STAT1: variants seen among roughly 807,000 people sequenced by gnomAD.
The protein encoded by STAT1 is signal transducer and activator of transcription 1.
STAT1 carries 24 observed loss-of-function variants against 111.7 expected under a neutral mutation model. The observed-to-expected ratio is 0.21, with a 90% CI of 0.16 to 0.30. The LOEUF is 0.30. Among genes scored for constraint, STAT1 ranks in the 10% least tolerant of loss-of-function variants. STAT1 has a pLI of 1.00. For missense variants in STAT1, 351 were observed against 911.9 expected, an observed-to-expected ratio of 0.38 and a Z score of 7.92; for synonymous variants, 332 against 326.5, an observed-to-expected ratio of 1.02 and a Z score of -0.18.
chr2:190,993,997 A>G lies in STAT1; in HGVS notation c.944+1064T>C, dbSNP rs977599927. Among the ~76,000 whole-genome samples, 3 of 152,320 alleles carry G rather than the reference A, an allele frequency of 2.0e-5. No individual in the cohort carries two copies. The highest frequency in any genetic ancestry group is 4.8e-5 in the African/African-American group (2 of 41,560). ...AAATACATAACAACTATATAACAAA[A>G]GGCAGAGTAGGAAAGGAACGAAGGG... On this transcript the variant is annotated intron_variant, in intron 10 of 24. Coordinates refer to ENST00000361099, the MANE Select transcript of STAT1 (RefSeq NM_007315.4). The surrounding 1 kb of genome is among the most constrained non-coding windows in gnomAD (Gnocchi z 4.1).
chr2:191,008,947 A>G lies in STAT1; in HGVS notation c.273+16T>C, dbSNP rs775900972. ...CATGAGAACATTTCAACTAAAATACAAAAACCAGGTCATACCTGAAGATTA... is the reference window on the plus strand; with the variant it reads ...CATGAGAACATTTCAACTAAAATACGAAAACCAGGTCATACCTGAAGATTA... On this transcript the variant is annotated intron_variant, in intron 4 of 24. Transcript: ENST00000361099. 4 of 1,613,004 alleles carry G rather than the reference A, an allele frequency of 2.5e-6. No homozygotes were observed. The highest frequency in any genetic ancestry group is 3.4e-6 in the Non-Finnish European group (4 of 1,179,434).
In STAT1 at chr2:190,999,015, G is replaced by C. The variant is rs114739059; in HGVS notation, c.541+611C>G. ...TGGTATACCCCAGATGATGAATAGA[G>C]TAACAGCAGTACCCTACGTGTCCTA... On this transcript the variant is annotated intron_variant, in intron 7 of 24. Coordinates refer to ENST00000361099, the MANE Select transcript of STAT1 (RefSeq NM_007315.4). The surrounding 1 kb of genome is among the most constrained non-coding windows in gnomAD (Gnocchi z 4.1). 1.3e-5 allele frequency among the ~76,000 whole-genome samples: 2 copies of C among 152,236 alleles called. No individual in the cohort carries two copies. Among genetic ancestry groups the C allele is most frequent in the African/African-American group, 4.8e-5 (2 of 41,548 alleles).
intron 24 of STAT1, among the ~76,000 whole-genome samples, chr2:190,972,733 C>CT (rs576414210): frequency 0.027 from 3,364 of 126,344 alleles, 73 homozygotes; most frequent in South Asian, 0.1. Context: ...CTTTTCTTTT[C>CT]TTTTTTTTTT....
chr2:190,999,839 G>T lies in STAT1; in HGVS notation c.463-135C>A, dbSNP rs534303530. On this transcript the variant is annotated intron_variant, in intron 6 of 24. Coordinates refer to ENST00000361099, the MANE Select transcript of STAT1 (RefSeq NM_007315.4). This position sits in a 1 kb window ranked among gnomAD's most constrained non-coding sequence, Gnocchi z 4.1. ...CTCCCCCAAAAAGAGATCTGACTTG[G>T]ACAGTTCTAATCATATACATGAAAT... The T allele has an allele frequency of 2.9e-6, 2 of 693,718 alleles. No homozygotes were observed. The highest frequency in any genetic ancestry group is 3.1e-5 in the South Asian group (2 of 63,660). 43.0% of individuals were successfully genotyped at this position (693,718 alleles called of 1,614,324 possible). A position where few individuals can be genotyped will look rare whatever the true frequency, so the allele number is the denominator to read the frequency against.
Position 190,993,406 on chromosome 2 carries a change from C to A in STAT1, c.944+1655G>T, listed in dbSNP as rs1693550281. 17 of 1,393,434 alleles carry A rather than the reference C, an allele frequency of 1.2e-5. No individual in the cohort carries two copies. In the South Asian group the frequency reaches 2.1e-4, roughly 17 times the overall value. The allele number at this position is 1,393,434 out of a possible 1,614,324, so 86.3% of individuals were successfully genotyped here. A position where few individuals can be genotyped will look rare whatever the true frequency, so the allele number is the denominator to read the frequency against. The stretch of plus-strand genomic sequence containing the variant: ...GAAGCTTGATTGTTTTCCCGTCTAA[C>A]TCTATAGTTCTTATTTTGAAATCCA... On this transcript the variant is annotated intron_variant, in intron 10 of 24. Coordinates refer to ENST00000361099, the MANE Select transcript of STAT1 (RefSeq NM_007315.4). This position sits in a 1 kb window ranked among gnomAD's most constrained non-coding sequence, Gnocchi z 4.1.
At chr2:191,005,781 T>G (rs1040640253) in intron 5 of STAT1, among the ~76,000 whole-genome samples, 37 of 152,222 alleles carry the variant, frequency 2.4e-4, no homozygotes, top group Non-Finnish European at 1.2e-4. Flanking sequence ...ACCTAGCCAA[T>G]AGTTGGCTGG....
rs1444359763 is a variant in STAT1 at position 190,971,302 on chromosome 2, A to C, written c.2239-585T>G. 6.6e-6 allele frequency among the ~76,000 whole-genome samples: 1 copy of C among 152,112 alleles called. No homozygotes were observed. Among genetic ancestry groups the C allele is most frequent in the Non-Finnish European group, 1.5e-5 (1 of 68,016 alleles). On this transcript the variant is annotated intron_variant, in intron 24 of 24. Coordinates refer to ENST00000361099, the MANE Select transcript of STAT1 (RefSeq NM_007315.4). The surrounding 1 kb of genome is among the most constrained non-coding windows in gnomAD (Gnocchi z 4.1). The stretch of plus-strand genomic sequence containing the variant: ...CAGTGACTTCCTGTCTGACTTCCAC[A>C]CTGGTCTTTCCCCTTAGACCAGATG...
rs1693825178 is a variant in STAT1, at chr2:190,995,999, C to G, written c.786-780G>C. Among the ~76,000 whole-genome samples, 1 of 151,880 alleles carries G rather than the reference C, an allele frequency of 6.6e-6. No individual in the cohort carries two copies. The highest frequency in any genetic ancestry group is 1.5e-5 in the Non-Finnish European group (1 of 68,004). On this transcript the variant is annotated intron_variant, in intron 9 of 24. Transcript: ENST00000361099. This position sits in a 1 kb window ranked among gnomAD's most constrained non-coding sequence, Gnocchi z 4.2. ...GGTTCTGTCAAGAGAGTGGCATCAG[C>G]AAGCAGTGTCTCGGCAGGACCAGTC...
Position 190,978,315 on chromosome 2 carries a change from T to A in STAT1, c.1873+541A>T, listed in dbSNP as rs1222196439. ...TAACACCAAGGTTTCTGGAGTCTTT[T>A]AGCCATGGACTCATTTGATTAAATA... On this transcript the variant is annotated intron_variant, in intron 21 of 24. Coordinates refer to ENST00000361099, the MANE Select transcript of STAT1 (RefSeq NM_007315.4). The surrounding 1 kb of genome is among the most constrained non-coding windows in gnomAD (Gnocchi z 6.1). Among the ~76,000 whole-genome samples, 1 of 152,216 alleles carries A rather than the reference T, an allele frequency of 6.6e-6. No individual in the cohort carries two copies. The highest frequency in any genetic ancestry group is 6.5e-5 in the Admixed American group (1 of 15,282).
chr2:190,997,708 G>A lies in STAT1; in HGVS notation c.785+148C>T. ...ATAACACTGTGCTTTCCAAGGGAGT[G>A]TTTCCAGGGTAAGCAGAAGCTGGAC... On this transcript the variant is annotated intron_variant, in intron 9 of 24. Coordinates refer to ENST00000361099, the MANE Select transcript of STAT1 (RefSeq NM_007315.4). This position sits in a 1 kb window ranked among gnomAD's most constrained non-coding sequence, Gnocchi z 7.3. 1 of 1,264,634 alleles carries A rather than the reference G, an allele frequency of 7.9e-7. No homozygotes were observed. The highest frequency in any genetic ancestry group is 1.1e-6 in the Non-Finnish European group (1 of 896,866). 78.3% of individuals were successfully genotyped at this position (1,264,634 alleles called of 1,614,324 possible). A position where few individuals can be genotyped will look rare whatever the true frequency, so the allele number is the denominator to read the frequency against.
In STAT1 at chr2:190,983,922, A is replaced by C. The variant is rs1450391315; in HGVS notation, c.1348-182T>G. Among the ~76,000 whole-genome samples, 1 of 152,202 alleles carries C rather than the reference A, an allele frequency of 6.6e-6. No homozygotes were observed. Among genetic ancestry groups the C allele is most frequent in the African/African-American group, 2.4e-5 (1 of 41,414 alleles). ...TTAACTTGTCTTTGATGTATCTTTC[A>C]GTTAAGAAATAAGTCCCTAAAAATA... On this transcript the variant is annotated intron_variant, in intron 16 of 24. Transcript: ENST00000361099. This position sits in a 1 kb window ranked among gnomAD's most constrained non-coding sequence, Gnocchi z 5.7.
rs182156411 is a variant in STAT1, at chr2:190,975,164, T to C, written c.2136-232A>G. 4.1e-4 allele frequency: 216 copies of C among 528,560 alleles called. No homozygotes were observed. The highest frequency in any genetic ancestry group is 3.8e-3 in the African/African-American group (201 of 52,340). The allele number at this position is 528,560 out of a possible 1,614,324, so 32.7% of individuals were successfully genotyped here. On this transcript the variant is annotated intron_variant, in intron 23 of 24. Coordinates refer to ENST00000361099, the MANE Select transcript of STAT1 (RefSeq NM_007315.4). This position sits in a 1 kb window ranked among gnomAD's most constrained non-coding sequence, Gnocchi z 5.9. ...CACACTCCAGGGATGTGATAAGCAA[T>C]AGCCAGACTGGAATCTGTGCCGCTT... is the stretch of plus-strand genomic sequence containing the variant.
In STAT1 at chr2:190,980,741, T is replaced by C; in HGVS notation, c.1583-72A>G. The C allele has an allele frequency of 1.4e-6, 2 of 1,465,440 alleles. No individual in the cohort carries two copies. Among genetic ancestry groups the C allele is most frequent in the Non-Finnish European group, 1.9e-6 (2 of 1,047,292 alleles). 90.8% of individuals were successfully genotyped at this position (1,465,440 alleles called of 1,614,324 possible). On this transcript the variant is annotated intron_variant, in intron 18 of 24. Coordinates refer to ENST00000361099, the MANE Select transcript of STAT1 (RefSeq NM_007315.4). The surrounding 1 kb of genome is among the most constrained non-coding windows in gnomAD (Gnocchi z 6.1). ...AAAGCTTTGGTTGGACGGATGGCTC[T>C]TGTATTTGCTCTCAAGGAAAAGAGC...
At chr2:190,972,316 T>G (rs956940771) in intron 24 of STAT1, among the ~76,000 whole-genome samples, 3 of 152,248 alleles carry the variant, frequency 2.0e-5, no homozygotes, top group Non-Finnish European at 2.9e-5. Flanking sequence ...GCTAAAGGCC[T>G]CTTGGAGAGT....
Position 190,980,039 on chromosome 2 carries a change from C to T in STAT1, c.1633-173G>A, listed in dbSNP as rs2125011061. On this transcript the variant is annotated intron_variant, in intron 19 of 24. Transcript: ENST00000361099. The surrounding 1 kb of genome is among the most constrained non-coding windows in gnomAD (Gnocchi z 6.1). Reference sequence around the variant, plus strand: ...GGGAATATCAAGTTCCCTCCCCGCTCTTATCAGCATTCAGACCAGGAGCTC... The same window carrying T: ...GGGAATATCAAGTTCCCTCCCCGCTTTTATCAGCATTCAGACCAGGAGCTC... Among the ~76,000 whole-genome samples the T allele has an allele frequency of 6.6e-6, 1 of 152,348 alleles. No individual in the cohort carries two copies. Among genetic ancestry groups the T allele is most frequent in the African/African-American group, 2.4e-5 (1 of 41,580 alleles).
chr2:191,001,301 T>A, intron 5 of STAT1, 138 bp from the exon 6 acceptor site: 1 of 724,506 alleles, frequency 1.4e-6, no homozygotes, highest in South Asian at 1.5e-5. Flanking sequence ...TGTGTCAATA[T>A]GAAATTTTTC....
chr2:190,981,137 C>T lies in STAT1; in HGVS notation c.1583-468G>A, dbSNP rs1309237853. 6.6e-6 allele frequency among the ~76,000 whole-genome samples: 1 copy of T among 152,128 alleles called. No individual in the cohort carries two copies. The highest frequency in any genetic ancestry group is 1.9e-4 in the East Asian group (1 of 5,196). On this transcript the variant is annotated intron_variant, in intron 18 of 24. Coordinates refer to ENST00000361099, the MANE Select transcript of STAT1 (RefSeq NM_007315.4). The surrounding 1 kb of genome is among the most constrained non-coding windows in gnomAD (Gnocchi z 4.1). The stretch of plus-strand genomic sequence containing the variant: ...ACTAAATCAAAGGTGTTCTGCTGGG[C>T]CTCCTAGAGAAGCCTCCCTATCCAG...
chr2:190,988,332 TCA>T (rs1693031365), intron 12 of STAT1, among the ~76,000 whole-genome samples: 1 of 152,184 alleles, frequency 6.6e-6, no homozygotes, highest in African/African-American at 2.4e-5. Context: ...AACCTACAAC[TCA>T]CAGAATATGA....
rs1216949414 is a variant in STAT1, at chr2:190,977,512, A to G, written c.1874-487T>C. 6.6e-6 allele frequency among the ~76,000 whole-genome samples: 1 copy of G among 152,244 alleles called. No individual in the cohort carries two copies. The highest frequency in any genetic ancestry group is 1.5e-5 in the Non-Finnish European group (1 of 68,032). On this transcript the variant is annotated intron_variant, in intron 21 of 24. Transcript: ENST00000361099. The surrounding 1 kb of genome is among the most constrained non-coding windows in gnomAD (Gnocchi z 4.7). ...CAAATTAAAAATGATCCTATTTGCT[A>G]CATTTCCCTGTAACCCTTAACGTAA...
Sources: gnomAD v4.1 joint callset for allele counts (sites outside exome capture counted in the v4.1 genomes callset) on GRCh38, gnomAD v4.1.1 for gene constraint, Gnocchi (gnomAD v3.1) non-coding constraint, MANE v1.5 for transcripts, NCBI Gene and HGNC (gene_info 2026-07-23, HGNC 2026-07-21) for gene names.